The following IL6R variants were observed in gnomAD, a reference collection of about 807,000 sequenced individuals.
IL6R encodes the protein interleukin-6 receptor subunit alpha.
A neutral mutation model predicts 48.3 loss-of-function variants in IL6R; 38 were observed. The ratio of observed to expected loss-of-function variants is 0.79; its 90% CI spans 0.61 to 1.03. IL6R has a LOEUF of 1.03. IL6R is among the 50% of genes least tolerant of loss of function. The pLI is 0.00. For synonymous variants in IL6R, 264 were observed against 256.2 expected (o/e 1.03, Z -0.29); for missense variants, 534 against 618.3 (o/e 0.86, Z 1.45).
chr1:154,424,103 C>G (rs1397601816), intron 1 of IL6R, among the ~76,000 whole-genome samples: 1 of 152,196 alleles, frequency 6.6e-6, no homozygotes, highest in Non-Finnish European at 1.5e-5. Flanking sequence ...TCCTCTGCCC[C>G]CCAGCCTGGG....
chr1:154,443,411 C>T (rs554727607), intron 6 of IL6R, among the ~76,000 whole-genome samples: 6 of 152,242 alleles, frequency 3.9e-5, no homozygotes, highest in Non-Finnish European at 8.8e-5. Flanking sequence ...GCCCTGTTCA[C>T]TTATCCATAT....
chr1:154,444,951 T>G, intron 6 of IL6R: 1 of 345,768 alleles, frequency 2.9e-6, no homozygotes. Context: ...CCCCCCCAAA[T>G]GAGGAAGGGT....
intron 9 of IL6R, among the ~76,000 whole-genome samples, chr1:154,461,849 G>A (rs1188327727): frequency 2.0e-5 from 3 of 152,178 alleles, no homozygotes; most frequent in Non-Finnish European, 2.9e-5. Context: ...TGGTTGCAGG[G>A]TGTAGGGTGA....
intron 9 of IL6R, among the ~76,000 whole-genome samples, chr1:154,457,379 A>G (rs566998272): frequency 1.3e-5 from 2 of 152,050 alleles, no homozygotes; most frequent in Non-Finnish European, 2.9e-5. Flanking sequence ...ACATTGGAGA[A>G]GCACCACACA....
At chr1:154,464,223 C>T (rs1310040176) in intron 9 of IL6R, among the ~76,000 whole-genome samples, 4 of 151,178 alleles carry the variant, frequency 2.6e-5, no homozygotes, top group African/African-American at 9.7e-5. Flanking sequence ...GGCACGATCT[C>T]AGCTCACTGC....
intron 8 of IL6R, among the ~76,000 whole-genome samples, chr1:154,450,737 A>T (rs1311860492): frequency 6.6e-6 from 1 of 152,216 alleles, no homozygotes; most frequent in Non-Finnish European, 1.5e-5. Context: ...TTGACTAGGT[A>T]TATGGGACTT....
At chr1:154,423,848 G>A (rs566261192) in intron 1 of IL6R, among the ~76,000 whole-genome samples, 1 of 152,106 alleles carries the variant, frequency 6.6e-6, no homozygotes, top group South Asian at 2.1e-4. Flanking sequence ...TTGTGGAAGA[G>A]GGAAAAAAAA....
intron 1 of IL6R, among the ~76,000 whole-genome samples, chr1:154,407,516 T>A (rs917121798): frequency 6.6e-6 from 1 of 151,914 alleles, no homozygotes; most frequent in Non-Finnish European, 1.5e-5. Context: ...TGCAGAGAAG[T>A]AGAAATACCC....
intron 7 of IL6R, 24 bp downstream of exon 7, chr1:154,448,195 G>A (rs1168956283): frequency 6.2e-7 from 1 of 1,605,436 alleles, no homozygotes; most frequent in African/African-American, 1.3e-5. Flanking sequence ...CTTGTAAAAG[G>A]GTCAGGGCTG....
Position 154,429,339 on chromosome 1 carries a change from A to G in IL6R, c.229A>G (p.Met77Val). 2 of 1,614,076 alleles carry G rather than the reference A, an allele frequency of 1.2e-6. No individual in the cohort carries two copies. The highest frequency in any genetic ancestry group is 1.7e-6 in the Non-Finnish European group (2 of 1,179,990). Residue 77 changes from methionine to valine, a missense_variant, in exon 2 of 10, where the codon ATG becomes GTG. Transcript: ENST00000368485. ...AGSHPSRWAG[M>V]GRRLLLRSVQ... ...CTCCCACCCCAGCAGATGGGCTGGC[A>G]TGGGAAGGAGGCTGCTGCTGAGGTC...
At chr1:154,424,893 C>T (rs112905163) in intron 1 of IL6R, among the ~76,000 whole-genome samples, 5 of 152,230 alleles carry the variant, frequency 3.3e-5, no homozygotes, top group African/African-American at 1.2e-4. Flanking sequence ...CTCCAACAAC[C>T]GAGCTCCCCG....
chr1:154,445,818 CT>C (rs1212072684), intron 6 of IL6R, among the ~76,000 whole-genome samples: 1 of 151,776 alleles, frequency 6.6e-6, no homozygotes, highest in Non-Finnish European at 1.5e-5. Flanking sequence ...AAGGTGGAGC[CT>C]TCAAGGCTCC....
intron 1 of IL6R, among the ~76,000 whole-genome samples, chr1:154,408,851 T>G (rs1687876533): frequency 6.6e-6 from 1 of 152,076 alleles, no homozygotes. Context: ...TGTACCTATT[T>G]AAATTTAAAT....
Position 154,467,194 on chromosome 1 carries a change from G to A in IL6R, c.*1814G>A, listed in dbSNP as rs1183880258. On this transcript the variant is annotated 3_prime_UTR_variant, in exon 10 of 10. Transcript: ENST00000368485. ...TTCCTCTTTTTATTTAGTTCCTTGAGTTGATTCAGCTCTGCAAGAATTGAA... is the reference window on the plus strand; with the variant it reads ...TTCCTCTTTTTATTTAGTTCCTTGAATTGATTCAGCTCTGCAAGAATTGAA... 6.6e-6 allele frequency: 1 copy of A among 152,190 alleles called. No individual in the cohort carries two copies. The highest frequency in any genetic ancestry group is 1.5e-5 in the Non-Finnish European group (1 of 68,050). The allele number at this position is 152,190 out of a possible 1,614,324, so 9.4% of individuals were successfully genotyped here. A position where few individuals can be genotyped will look rare whatever the true frequency, so the allele number is the denominator to read the frequency against.
chr1:154,451,951 A>C (rs1350511495), intron 8 of IL6R, among the ~76,000 whole-genome samples: 1 of 152,166 alleles, frequency 6.6e-6, no homozygotes, highest in African/African-American at 2.4e-5. Context: ...GCATTTGCTC[A>C]GGTGCGGGGG....
At chr1:154,418,623 G>T (rs904844639) in intron 1 of IL6R, among the ~76,000 whole-genome samples, 3 of 152,202 alleles carry the variant, frequency 2.0e-5, no homozygotes, top group Non-Finnish European at 4.4e-5. Context: ...TTGACTTGCC[G>T]TAGCCTGCGG....
rs143861748 is a variant in IL6R at position 154,450,038 on chromosome 1, C to A, written c.1066+58C>A. 1.8e-5 allele frequency: 20 copies of A among 1,081,814 alleles called. No homozygotes were observed. In the East Asian group the frequency reaches 4.5e-4, roughly 24 times the overall value. 67.0% of individuals were successfully genotyped at this position (1,081,814 alleles called of 1,614,324 possible). On this transcript the variant is annotated intron_variant, in intron 8 of 9. Coordinates refer to ENST00000368485, the MANE Select transcript of IL6R (RefSeq NM_000565.4). ...CCGAGGGACAGAAGATTTGTCTCTG[C>A]AGAAAGTCCTTTCTTATTTGGACAT...
At chr1:154,447,560 T>C (rs544188603) in intron 6 of IL6R, among the ~76,000 whole-genome samples, 57 of 99,160 alleles carry the variant, frequency 5.7e-4, no homozygotes, top group African/African-American at 1.9e-3. Flanking sequence ...CATACACATA[T>C]ATATATATAC....
intron 1 of IL6R, among the ~76,000 whole-genome samples, chr1:154,408,830 CACT>C (rs769963979): frequency 1.5e-4 from 23 of 152,168 alleles, no homozygotes; most frequent in South Asian, 1.2e-3. Context: ...ATACGGTAGC[CACT>C]AGCCACGTGT....
Sources: gnomAD v4.1 joint callset for allele counts (sites outside exome capture counted in the v4.1 genomes callset) on GRCh38, gnomAD v4.1.1 for gene constraint, MANE v1.5 for transcripts, NCBI Gene and HGNC (gene_info 2026-07-23, HGNC 2026-07-21) for gene names.